SLA: variants seen among roughly 807,000 people sequenced by gnomAD.
SLA encodes Src like adaptor, also known as src-like-adapter.
SLA carries 16 observed loss-of-function variants against 30.3 expected under a neutral mutation model. That is an observed-to-expected ratio of 0.53 (90% CI 0.36 to 0.80). The LOEUF (loss-of-function observed/expected upper bound fraction) is 0.80, where lower values mean the gene tolerates loss of function less well. SLA is among the 30% of genes least tolerant of loss of function. The pLI is 0.01. For missense variants in SLA, 310 were observed against 345.2 expected (o/e 0.90, Z 0.81); for synonymous variants, 143 against 137.8 (o/e 1.04, Z -0.26).
chr8:133,051,470 G>A (rs950702304), intron 3 of SLA, among the ~76,000 whole-genome samples: 3 of 152,168 alleles, frequency 2.0e-5, no homozygotes, highest in Admixed American at 6.5e-5. Flanking sequence ...GGACCATGAG[G>A]CAGTAACTCT....
intron 1 of SLA, among the ~76,000 whole-genome samples, chr8:133,090,878 C>G (rs1031006466): frequency 1.3e-5 from 2 of 152,108 alleles, no homozygotes; most frequent in African/African-American, 4.8e-5. Context: ...CCCCGCACCC[C>G]CCGGGAACAG....
chr8:133,050,801 G>A lies in SLA; in HGVS notation c.161+15C>T. On this transcript the variant is annotated intron_variant, in intron 4 of 8. Coordinates refer to ENST00000338087, the MANE Select transcript of SLA (RefSeq NM_001045556.3). The stretch of plus-strand genomic sequence containing the variant: ...CTGCTTTGAAGATTGCACAAGTTTT[G>A]GAGAGCTGACTCACTCAGAAATCAC... 1 of 1,529,616 alleles carries A rather than the reference G, an allele frequency of 6.5e-7. No individual in the cohort carries two copies. Among genetic ancestry groups the A allele is most frequent in the Non-Finnish European group, 9.1e-7 (1 of 1,102,832 alleles). The allele number at this position is 1,529,616 out of a possible 1,614,324, so 94.8% of individuals were successfully genotyped here.
In SLA at chr8:133,073,873, G is replaced by T. The variant is rs1256533634; in HGVS notation, c.-41+980C>A. Among the ~76,000 whole-genome samples the T allele has an allele frequency of 2.0e-5, 3 of 152,050 alleles. No individual in the cohort carries two copies. In the East Asian group the frequency reaches 5.8e-4, roughly 29 times the overall value. On this transcript the variant is annotated intron_variant, in intron 2 of 8. Coordinates refer to ENST00000338087, the MANE Select transcript of SLA (RefSeq NM_001045556.3). ...AACTTCTCTGAGCCTCATTTCCTCA[G>T]TTTTCAAAAGCAAATAACAATCACA...
At chr8:133,046,802 AT>A (rs1019294125) in intron 6 of SLA, among the ~76,000 whole-genome samples, 1 of 152,022 alleles carries the variant, frequency 6.6e-6, no homozygotes, top group Non-Finnish European at 1.5e-5. Context: ...TTGATCGCAG[AT>A]TTTTTTTAAA....
chr8:133,086,077 G>A (rs1846509638), intron 1 of SLA, among the ~76,000 whole-genome samples: 1 of 152,152 alleles, frequency 6.6e-6, no homozygotes, highest in African/African-American at 2.4e-5. Flanking sequence ...CTATAAGATG[G>A]ATGAAGTAAA....
intron 3 of SLA, among the ~76,000 whole-genome samples, chr8:133,056,016 A>G (rs1841387874): frequency 6.6e-6 from 1 of 152,148 alleles, no homozygotes; most frequent in Admixed American, 6.5e-5. Context: ...TGAGGTCCAG[A>G]GACCGCCCAA....
chr8:133,097,921 G>A (rs1848668897), intron 1 of SLA, among the ~76,000 whole-genome samples: 1 of 152,190 alleles, frequency 6.6e-6, no homozygotes, highest in Non-Finnish European at 1.5e-5. Flanking sequence ...CATGTGAGCA[G>A]CGATAGAGTT....
intron 2 of SLA, among the ~76,000 whole-genome samples, chr8:133,071,386 G>A (rs375898457): frequency 6.6e-6 from 1 of 152,202 alleles, no homozygotes; most frequent in Non-Finnish European, 1.5e-5. Context: ...CCCAGCTACC[G>A]TGTCCTTAGG....
chr8:133,066,081 T>G (rs1340313090), intron 2 of SLA, among the ~76,000 whole-genome samples: 13 of 151,866 alleles, frequency 8.6e-5, no homozygotes, highest in Non-Finnish European at 1.8e-4. Flanking sequence ...AGCTGTTACT[T>G]AGGAGGCTGA....
intron 1 of SLA, among the ~76,000 whole-genome samples, chr8:133,090,666 C>G (rs1847354570): frequency 6.6e-6 from 1 of 152,178 alleles, no homozygotes; most frequent in Non-Finnish European, 1.5e-5. Flanking sequence ...AATTACACAT[C>G]AGGTATTTTC....
intron 1 of SLA, among the ~76,000 whole-genome samples, chr8:133,100,331 C>G (rs940648475): frequency 6.6e-6 from 1 of 152,192 alleles, no homozygotes; most frequent in South Asian, 2.1e-4. Context: ...TACACCCTAC[C>G]CCAGCACTCA....
At chr8:133,065,984 C>T (rs922573469) in intron 2 of SLA, among the ~76,000 whole-genome samples, 1 of 151,874 alleles carries the variant, frequency 6.6e-6, no homozygotes, top group Non-Finnish European at 1.5e-5. Context: ...AACAAGAGAG[C>T]GAGGCCAGTT....
At chr8:133,074,761 C>T in intron 2 of SLA, 92 bp downstream of exon 2, 1 of 748,010 alleles carries the variant, frequency 1.3e-6, no homozygotes, top group Non-Finnish European at 1.6e-6. Context: ...GAGCTCCTTT[C>T]TGACTCCAGA....
At chr8:133,100,532 A>G (rs1849078116) in intron 1 of SLA, among the ~76,000 whole-genome samples, 3 of 152,182 alleles carry the variant, frequency 2.0e-5, no homozygotes, top group Non-Finnish European at 4.4e-5. Context: ...CTGGGCCCTA[A>G]CCTGGAAGTC....
chr8:133,036,870 A>G lies in SLA; in HGVS notation c.*1654T>C, dbSNP rs1837203949. The G allele has an allele frequency of 2.0e-5, 3 of 152,752 alleles. No homozygotes were observed. In the South Asian group the frequency reaches 6.2e-4, roughly 32 times the overall value. The allele number at this position is 152,752 out of a possible 1,614,324, so 9.5% of individuals were successfully genotyped here. A position where few individuals can be genotyped will look rare whatever the true frequency, so the allele number is the denominator to read the frequency against. On this transcript the variant is annotated 3_prime_UTR_variant, in exon 9 of 9. Transcript: ENST00000338087. ...CATTCGTCACAACGGAAAACAACACATAAGATACTGTGCAGACATCTGGAG... is the reference window on the plus strand; with the variant it reads ...CATTCGTCACAACGGAAAACAACACGTAAGATACTGTGCAGACATCTGGAG...
intron 3 of SLA, chr8:133,059,262 G>C (rs759735476): frequency 7.7e-6 from 3 of 390,640 alleles, no homozygotes; most frequent in Non-Finnish European, 1.5e-5. Flanking sequence ...GTTCCAAGGT[G>C]CCCCCTGGCT....
intron 8 of SLA, among the ~76,000 whole-genome samples, chr8:133,039,429 G>T (rs1837738899): frequency 6.6e-6 from 1 of 152,090 alleles, no homozygotes; most frequent in African/African-American, 2.4e-5. Context: ...TTTTGATCCT[G>T]ATTTTCTTTG....
chr8:133,084,730 G>A (rs1564170022), intron 1 of SLA, among the ~76,000 whole-genome samples: 1 of 152,216 alleles, frequency 6.6e-6, no homozygotes. Context: ...AGAAGTGCCC[G>A]GGAGAGACCC....
chr8:133,067,661 A>G (rs934669256), intron 2 of SLA, among the ~76,000 whole-genome samples: 4 of 151,992 alleles, frequency 2.6e-5, no homozygotes. Flanking sequence ...CTGTAATCCC[A>G]GTTACTCAGG....
Sources: allele counts gnomAD v4.1 joint callset (sites outside exome capture counted in the v4.1 genomes callset), GRCh38; gene constraint gnomAD v4.1.1; transcripts MANE v1.5; gene names NCBI Gene and HGNC (gene_info 2026-07-23, HGNC 2026-07-21).